MAP2: variants seen among roughly 807,000 people sequenced by gnomAD.
MAP2 encodes the protein microtubule-associated protein 2.
In MAP2, 14 loss-of-function variants were observed where a neutral mutation model predicts 137.6. That is an observed-to-expected ratio of 0.10 (90% CI 0.07 to 0.16). The LOEUF (loss-of-function observed/expected upper bound fraction) is 0.16. Among genes scored for constraint, MAP2 ranks in the 10% least tolerant of loss-of-function variants. The probability of loss-of-function intolerance (pLI) is 1.00; values close to 1 mark genes in which losing one functional copy is unlikely to be tolerated. For synonymous variants in MAP2, 786 were observed against 782.3 expected (o/e 1.00, Z -0.08); for missense variants, 2,088 against 2,191.5 (o/e 0.95, Z 0.94).
At chr2:209,492,989 A>G (rs1044336808) in intron 1 of MAP2, among the ~76,000 whole-genome samples, 5 of 152,100 alleles carry the variant, frequency 3.3e-5, no homozygotes, top group African/African-American at 9.7e-5. Context: ...CTAAGCAAAA[A>G]GAGCAAAGCT....
In MAP2 at chr2:209,559,508, G is replaced by A. The variant is rs983059385; in HGVS notation, c.-171-20528G>A. 5.5e-5 allele frequency among the ~76,000 whole-genome samples: 8 copies of A among 145,674 alleles called. No homozygotes were observed. The South Asian group carries it at 1.1e-3, about 20-fold the overall frequency. On this transcript the variant is annotated intron_variant, in intron 2 of 15. Transcript: ENST00000682079. ...AAAAAAAAAAAAAAAAAAAAAAGCC[G>A]GGTGTGGTGAAGCATGCCTGTAATC...
intron 2 of MAP2, among the ~76,000 whole-genome samples, chr2:209,556,730 T>C (rs1447956222): frequency 6.7e-6 from 1 of 149,474 alleles, no homozygotes; most frequent in Non-Finnish European, 1.5e-5. Flanking sequence ...ATATCTTAAC[T>C]AGAGGTAATC....
At chr2:209,620,633 T>C (rs2090850562) in intron 3 of MAP2, among the ~76,000 whole-genome samples, 1 of 152,194 alleles carries the variant, frequency 6.6e-6, no homozygotes, top group Non-Finnish European at 1.5e-5. Flanking sequence ...TTTAGTAGCA[T>C]GTTAGACTAA....
intron 12 of MAP2, 147 bp downstream of exon 12, chr2:209,705,874 T>C (rs1161630289): frequency 2.9e-6 from 2 of 678,898 alleles, no homozygotes; most frequent in African/African-American, 3.7e-5. Flanking sequence ...AAATCCAGAA[T>C]GTAGATGGCT....
At chr2:209,581,722 G>A (rs572294494) in intron 3 of MAP2, among the ~76,000 whole-genome samples, 1 of 152,218 alleles carries the variant, frequency 6.6e-6, no homozygotes, top group Non-Finnish European at 1.5e-5. Flanking sequence ...TAGGATATGT[G>A]TATGAATTGG....
At chr2:209,480,742 C>G (rs573600784) in intron 1 of MAP2, among the ~76,000 whole-genome samples, 1 of 152,054 alleles carries the variant, frequency 6.6e-6, no homozygotes, top group Admixed American at 6.6e-5. Context: ...AGAGTTTAGA[C>G]GAAAATATTA....
At chr2:209,658,055 T>C (rs1209965023) in intron 5 of MAP2, among the ~76,000 whole-genome samples, 4 of 152,226 alleles carry the variant, frequency 2.6e-5, no homozygotes, top group Admixed American at 6.5e-5. Context: ...GTTTCAGCTC[T>C]GAAGATAACT....
intron 1 of MAP2, among the ~76,000 whole-genome samples, chr2:209,425,688 T>C (rs1409744527): frequency 6.6e-6 from 1 of 152,240 alleles, no homozygotes; most frequent in Non-Finnish European, 1.5e-5. Context: ...AGCCACATTA[T>C]GCAAAATGTC....
chr2:209,524,746 A>G (rs2063771867), intron 2 of MAP2, among the ~76,000 whole-genome samples: 1 of 152,140 alleles, frequency 6.6e-6, no homozygotes, highest in Non-Finnish European at 1.5e-5. Flanking sequence ...GAACACTGGG[A>G]AATGTTGGTT....
intron 1 of MAP2, among the ~76,000 whole-genome samples, chr2:209,469,670 C>G (rs1228852001): frequency 6.6e-6 from 1 of 152,132 alleles, no homozygotes; most frequent in South Asian, 2.1e-4. Context: ...CTGTCTCTGT[C>G]TCTCTCATAC....
At chr2:209,513,331 G>T (rs947275943) in intron 2 of MAP2, among the ~76,000 whole-genome samples, 3 of 152,012 alleles carry the variant, frequency 2.0e-5, no homozygotes, top group African/African-American at 4.8e-5. Flanking sequence ...ATTGTATCTG[G>T]ATAGGTCCAT....
At chr2:209,668,893 A>C (rs537387835) in intron 5 of MAP2, among the ~76,000 whole-genome samples, 2 of 152,156 alleles carry the variant, frequency 1.3e-5, no homozygotes, top group South Asian at 4.1e-4. Flanking sequence ...TCAGAAGTTC[A>C]TAGTGTAATT....
intron 1 of MAP2, among the ~76,000 whole-genome samples, chr2:209,449,548 A>G (rs528969473): frequency 1.3e-5 from 2 of 149,526 alleles, no homozygotes; most frequent in Non-Finnish European, 2.9e-5. Context: ...TGTAGTTCAG[A>G]ACTTGTTATA....
intron 4 of MAP2, among the ~76,000 whole-genome samples, chr2:209,651,606 A>G (rs1385219593): frequency 1.3e-5 from 2 of 152,188 alleles, no homozygotes; most frequent in Non-Finnish European, 1.5e-5. Context: ...CTTTTCACAT[A>G]GTTAGTGAGG....
At chr2:209,470,992 A>T (rs10208979) in intron 1 of MAP2, among the ~76,000 whole-genome samples, 4 of 151,860 alleles carry the variant, frequency 2.6e-5, no homozygotes, top group Non-Finnish European at 5.9e-5. Flanking sequence ...ATCAGTATTC[A>T]TGTCCCTGTT....
At chr2:209,714,558 C>T (rs1303778772) in intron 13 of MAP2, among the ~76,000 whole-genome samples, 2 of 152,212 alleles carry the variant, frequency 1.3e-5, no homozygotes, top group Non-Finnish European at 2.9e-5. Flanking sequence ...CAGCATTGGT[C>T]TGTCATCTTT....
chr2:209,677,403 T>TAGACAGACAGAC (rs71395564), intron 5 of MAP2, among the ~76,000 whole-genome samples: 26 of 146,336 alleles, frequency 1.8e-4, no homozygotes, highest in African/African-American at 4.4e-4. Flanking sequence ...GATAGATAGA[T>TAGACAGACAGAC]AGACAGACAG....
At chr2:209,602,187 A>G (rs1458888971) in intron 3 of MAP2, among the ~76,000 whole-genome samples, 2 of 152,186 alleles carry the variant, frequency 1.3e-5, no homozygotes, top group African/African-American at 4.8e-5. Flanking sequence ...TATTCTTTTT[A>G]TATTTCTCTC....
intron 1 of MAP2, among the ~76,000 whole-genome samples, chr2:209,458,343 G>A (rs1052299612): frequency 6.6e-6 from 1 of 152,118 alleles, no homozygotes; most frequent in Non-Finnish European, 1.5e-5. Flanking sequence ...ACTATTATAT[G>A]AGTGGATGCA....
Sources: gnomAD v4.1 joint callset for allele counts (sites outside exome capture counted in the v4.1 genomes callset) on GRCh38, gnomAD v4.1.1 for gene constraint, MANE v1.5 for transcripts, NCBI Gene and HGNC (gene_info 2026-07-23, HGNC 2026-07-21) for gene names.